Variants in SAMMSON observed in about 807,000 individuals in gnomAD.
SAMMSON encodes survival associated mitochondrial melanoma specific oncogenic non-coding RNA.
chr3:70,338,465 C>T (rs535062562), intron 7 of SAMMSON, among the ~76,000 whole-genome samples: 6 of 152,002 alleles, frequency 3.9e-5, no homozygotes, highest in South Asian at 4.2e-4. Context: ...TCAAATTGTC[C>T]GTGTTTGCAG....
chr3:70,353,553 T>TA (rs534027694), intron 7 of SAMMSON, among the ~76,000 whole-genome samples: 6 of 151,484 alleles, frequency 4.0e-5, no homozygotes, highest in East Asian at 1.9e-4. Context: ...ATGGCTAAAA[T>TA]AAAAAAAATA....
chr3:70,063,512 G>A (rs1271665140), intron 3 of SAMMSON, among the ~76,000 whole-genome samples: 1 of 152,066 alleles, frequency 6.6e-6, no homozygotes, highest in Non-Finnish European at 1.5e-5. Flanking sequence ...CTTTTAGGTA[G>A]GATCCGTGTG....
chr3:70,307,294 AG>A (rs769874544), intron 7 of SAMMSON, among the ~76,000 whole-genome samples: 3 of 152,184 alleles, frequency 2.0e-5, no homozygotes, highest in Non-Finnish European at 4.4e-5. Context: ...CTGAAAAATC[AG>A]GAGACACTAT....
At chr3:70,430,200 C>T (rs1357207906) in intron 2 of SAMMSON, among the ~76,000 whole-genome samples, 2 of 152,062 alleles carry the variant, frequency 1.3e-5, no homozygotes, top group Admixed American at 6.6e-5. Context: ...TGATCGAAGG[C>T]CTTTTCTGCA....
chr3:70,257,001 A>C (rs1445712499), intron 6 of SAMMSON, among the ~76,000 whole-genome samples: 3 of 152,192 alleles, frequency 2.0e-5, no homozygotes, highest in Non-Finnish European at 4.4e-5. Flanking sequence ...GAGGAGGGCA[A>C]GTCCAGTGGT....
chr3:70,217,840 G>T (rs1270481488), intron 4 of SAMMSON, among the ~76,000 whole-genome samples: 1 of 152,114 alleles, frequency 6.6e-6, no homozygotes, highest in Non-Finnish European at 1.5e-5. Flanking sequence ...GCTTGGGGGT[G>T]ACATACTGTT....
At chr3:70,374,375 G>A (rs915188655) in intron 9 of SAMMSON, among the ~76,000 whole-genome samples, 5 of 152,100 alleles carry the variant, frequency 3.3e-5, no homozygotes, top group Non-Finnish European at 5.9e-5. Flanking sequence ...TACTATAAAC[G>A]ATGAGTCGTC....
intron 4 of SAMMSON, among the ~76,000 whole-genome samples, chr3:70,202,823 C>G (rs1701254013): frequency 6.6e-6 from 1 of 152,094 alleles, no homozygotes; most frequent in East Asian, 1.9e-4. Flanking sequence ...AAATGTACAA[C>G]TGGGGACTGG....
chr3:70,378,039 T>G (rs539191756), intron 9 of SAMMSON, among the ~76,000 whole-genome samples: 1 of 152,106 alleles, frequency 6.6e-6, no homozygotes, highest in African/African-American at 2.4e-5. Context: ...GAAATATGTA[T>G]TTCAAATGAA....
chr3:70,072,508 A>G (rs774355281), intron 4 of SAMMSON: 11 of 151,776 alleles, frequency 7.2e-5, no homozygotes, highest in Non-Finnish European at 1.0e-4. Context: ...GAATAATTTT[A>G]ACACAAAGAA....
chr3:70,057,331 A>G (rs1040062197), intron 3 of SAMMSON, among the ~76,000 whole-genome samples: 5 of 151,998 alleles, frequency 3.3e-5, no homozygotes, highest in Non-Finnish European at 7.4e-5. Flanking sequence ...CAGATCTTCA[A>G]AGGGTACAGT....
At chr3:70,143,449 G>C (rs190062968) in intron 4 of SAMMSON, among the ~76,000 whole-genome samples, 2 of 152,022 alleles carry the variant, frequency 1.3e-5, no homozygotes, top group East Asian at 3.9e-4. Flanking sequence ...TTTGTTTTTC[G>C]TGTACCCATT....
At chr3:70,262,682 C>T (rs1257659748) in intron 6 of SAMMSON, among the ~76,000 whole-genome samples, 2 of 152,222 alleles carry the variant, frequency 1.3e-5, no homozygotes, top group East Asian at 1.9e-4. Flanking sequence ...ACAGGGTTGG[C>T]GCATGCACCA....
chr3:70,270,673 T>G (rs1336673797), intron 6 of SAMMSON, among the ~76,000 whole-genome samples: 1 of 152,182 alleles, frequency 6.6e-6, no homozygotes, highest in Non-Finnish European at 1.5e-5. Context: ...TAAAATTGTA[T>G]TTTTAAAATA....
chr3:70,401,563 C>T (rs1004532070), intron 2 of SAMMSON, among the ~76,000 whole-genome samples: 2 of 149,070 alleles, frequency 1.3e-5, no homozygotes, highest in African/African-American at 5.2e-5. Context: ...AAAAATTATT[C>T]ATTGCCAATT....
chr3:70,296,529 A>T (rs1414746413), intron 7 of SAMMSON, among the ~76,000 whole-genome samples: 1 of 152,184 alleles, frequency 6.6e-6, no homozygotes, highest in Admixed American at 6.5e-5. Context: ...TCATTTGGTT[A>T]CTTAATTCAC....
At chr3:70,053,039 C>A (rs371255613) in intron 3 of SAMMSON, among the ~76,000 whole-genome samples, 2 of 152,096 alleles carry the variant, frequency 1.3e-5, no homozygotes, top group South Asian at 2.1e-4. Flanking sequence ...CTCTGAAAAG[C>A]AGAGCATACA....
At chr3:70,100,862 C>T (rs1343579239) in intron 4 of SAMMSON, among the ~76,000 whole-genome samples, 1 of 152,138 alleles carries the variant, frequency 6.6e-6, no homozygotes, top group Non-Finnish European at 1.5e-5. Flanking sequence ...AGATTATTTG[C>T]CCAACATAAT....
chr3:70,419,200 T>G (rs914507221), intron 2 of SAMMSON, among the ~76,000 whole-genome samples: 3 of 150,192 alleles, frequency 2.0e-5, no homozygotes, highest in Non-Finnish European at 3.0e-5. Context: ...AATTATTGCG[T>G]TTTTTTTTCT....
Sources: allele counts gnomAD v4.1 joint callset (sites outside exome capture counted in the v4.1 genomes callset), GRCh38; gene constraint gnomAD v4.1.1; transcripts MANE v1.5; gene names NCBI Gene and HGNC (gene_info 2026-07-23, HGNC 2026-07-21).